Variants in GPHN observed in about 807,000 individuals in gnomAD.
GPHN encodes the protein gephyrin.
A neutral mutation model predicts 95.5 loss-of-function variants in GPHN; 17 were observed. The observed-to-expected ratio is 0.18, with a 90% CI of 0.12 to 0.27. The LOEUF is 0.27. Ranked by LOEUF, GPHN falls within the 10% of genes least tolerant of loss-of-function variation. The pLI, the probability that GPHN is intolerant of heterozygous loss-of-function variation, is 1.00. For missense variants in GPHN, 660 were observed against 978.1 expected (o/e 0.67, Z 4.34); for synonymous variants, 320 against 322.5 (o/e 0.99, Z 0.08).
chr14:66,978,181 T>A (rs2070391110), intron 9 of GPHN, among the ~76,000 whole-genome samples: 1 of 152,184 alleles, frequency 6.6e-6, no homozygotes, highest in East Asian at 1.9e-4. Flanking sequence ...TGGTAGAGGG[T>A]CTTGCCTCAA....
intron 6 of GPHN, among the ~76,000 whole-genome samples, chr14:66,921,685 T>C (rs2066225431): frequency 6.6e-6 from 1 of 152,164 alleles, no homozygotes; most frequent in South Asian, 2.1e-4. Flanking sequence ...ACCACCATCA[T>C]TCTTCACAGA....
rs2057879977 is a variant in GPHN, at chr14:66,508,475, C to T, written c.-53C>T. 6.4e-7 allele frequency: 1 copy of T among 1,571,690 alleles called. No individual in the cohort carries two copies. Among genetic ancestry groups the T allele is most frequent in the Non-Finnish European group, 8.8e-7 (1 of 1,141,552 alleles). On this transcript the variant is annotated 5_prime_UTR_variant, in exon 1 of 23. Coordinates refer to ENST00000478722, the MANE Select transcript of GPHN (RefSeq NM_020806.5). ...CGAGCGCGCTCCCGGCCCGCGCGCT[C>T]CGGGCTCCGGTTTCTCCCGGCTCCT...
chr14:67,727,177 C>T, the GPHN span: 1 of 1,612,616 alleles, frequency 6.2e-7, no homozygotes, highest in Non-Finnish European at 8.5e-7. Flanking sequence ...GTGAGCTGGC[C>T]AAGAGGCTCC....
intron 5 of GPHN, among the ~76,000 whole-genome samples, chr14:66,902,216 A>AT (rs780486599): frequency 1.6e-4 from 24 of 151,662 alleles, no homozygotes; most frequent in Non-Finnish European, 2.8e-4. Context: ...TTGTATGTTG[A>AT]TTTTGTGTCC....
At chr14:67,281,461 T>C in the GPHN span, among the ~76,000 whole-genome samples, 1 of 152,156 alleles carries the variant, frequency 6.6e-6, no homozygotes, top group Non-Finnish European at 1.5e-5. Context: ...GTAAAAATAC[T>C]TCATTCCTGA....
At chr14:67,111,714 A>G in intron 14 of GPHN, 147 bp from the exon 15 acceptor site, 1 of 652,116 alleles carries the variant, frequency 1.5e-6, no homozygotes, top group South Asian at 2.0e-5. Flanking sequence ...TTAGAAATTC[A>G]GTGTTTTCAA....
the GPHN span, chr14:67,467,078 G>C: frequency 6.7e-6 from 1 of 150,168 alleles, no homozygotes. Flanking sequence ...TGTGTGAAAA[G>C]TGTCTCTTCC....
At chr14:67,104,200 C>T (rs1222652849) in intron 13 of GPHN, among the ~76,000 whole-genome samples, 1 of 152,194 alleles carries the variant, frequency 6.6e-6, no homozygotes, top group Admixed American at 6.5e-5. Context: ...GCCACCCTTG[C>T]ATCCCCACAG....
chr14:67,515,943 G>A, the GPHN span, among the ~76,000 whole-genome samples: 36 of 152,378 alleles, frequency 2.4e-4, no homozygotes, highest in Admixed American at 8.5e-4. Flanking sequence ...CTAAGGCAAG[G>A]CTTGAACTTC....
chr14:67,504,515 C>A, the GPHN span, among the ~76,000 whole-genome samples: 1 of 151,918 alleles, frequency 6.6e-6, no homozygotes, highest in Non-Finnish European at 1.5e-5. Context: ...CAATAATATC[C>A]ACAAAATCAT....
chr14:67,086,787 T>C (rs879935632), intron 11 of GPHN, among the ~76,000 whole-genome samples: 27 of 150,288 alleles, frequency 1.8e-4, no homozygotes, highest in Non-Finnish European at 3.1e-4. Context: ...GCCTGTAATC[T>C]CAGCATTTTG....
At chr14:67,199,984 A>T in the GPHN span, 4 of 1,115,364 alleles carry the variant, frequency 3.6e-6, no homozygotes, top group Non-Finnish European at 3.8e-6. Context: ...GATGTCTCAG[A>T]TGCAGCTGGC....
At chr14:66,720,791 A>G (rs1323697441) in intron 2 of GPHN, among the ~76,000 whole-genome samples, 2 of 152,124 alleles carry the variant, frequency 1.3e-5, no homozygotes, top group Non-Finnish European at 2.9e-5. Context: ...CTTGAGCCTA[A>G]GAGTTCAAGG....
chr14:67,566,020 G>T, the GPHN span, among the ~76,000 whole-genome samples: 1 of 152,214 alleles, frequency 6.6e-6, no homozygotes, highest in Non-Finnish European at 1.5e-5. Flanking sequence ...TCGGGAGCCT[G>T]AGGCAGTAGA....
chr14:67,329,400 A>G, the GPHN span, among the ~76,000 whole-genome samples: 3 of 152,196 alleles, frequency 2.0e-5, no homozygotes, highest in East Asian at 3.9e-4. Flanking sequence ...AGTTTTCTAC[A>G]TGTACAATCA....
chr14:67,648,233 TAG>T, the GPHN span: 1 of 1,561,474 alleles, frequency 6.4e-7, no homozygotes, highest in Non-Finnish European at 8.7e-7. Context: ...GTAAATATGC[TAG>T]AGTCTCTTGC....
intron 17 of GPHN, among the ~76,000 whole-genome samples, chr14:67,130,812 C>G (rs534800073): frequency 6.6e-6 from 1 of 151,830 alleles, no homozygotes; most frequent in Non-Finnish European, 1.5e-5. Context: ...GTGAGATGGT[C>G]TCTCATTGTG....
rs987313607 is a variant in GPHN, at chr14:66,579,320, A to G, written c.64+70729A>G. ...AAATCTGCAAAGCTACCAGAAAACA[A>G]TGAACAAAATGGCAGTTGTATGTCT... On this transcript the variant is annotated intron_variant, in intron 1 of 22. Coordinates refer to ENST00000478722, the MANE Select transcript of GPHN (RefSeq NM_020806.5). Among the ~76,000 whole-genome samples the G allele has an allele frequency of 2.6e-5, 4 of 151,950 alleles. No individual in the cohort carries two copies. The East Asian group carries it at 7.7e-4, about 29-fold the overall frequency.
chr14:67,061,928 A>G (rs142571939), intron 11 of GPHN, among the ~76,000 whole-genome samples: 3 of 152,312 alleles, frequency 2.0e-5, no homozygotes, highest in African/African-American at 4.8e-5. Flanking sequence ...TCCTTTATGA[A>G]GAAGTCTTTC....
Sources: gnomAD v4.1 joint callset for allele counts (sites outside exome capture counted in the v4.1 genomes callset) on GRCh38, gnomAD v4.1.1 for gene constraint, MANE v1.5 for transcripts, NCBI Gene and HGNC (gene_info 2026-07-23, HGNC 2026-07-21) for gene names.